WDR41: variants seen among roughly 807,000 people sequenced by gnomAD.
The protein encoded by WDR41 is WD repeat domain 41, also known as WD repeat-containing protein 41.
Under a neutral mutation model 69.3 loss-of-function variants are expected in WDR41, and 63 were observed. That is an observed-to-expected ratio of 0.91 (90% CI 0.74 to 1.12). WDR41 has a LOEUF of 1.12. Among genes scored for constraint, WDR41 ranks in the 50% most tolerant of loss-of-function variants. The pLI, the probability that WDR41 is intolerant of heterozygous loss-of-function variation, is 0.00. For synonymous variants in WDR41, 185 were observed against 192.1 expected, an observed-to-expected ratio of 0.96 and a Z score of 0.31; for missense variants, 543 against 534.5, an observed-to-expected ratio of 1.02 and a Z score of -0.16.
chr5:77,477,632 C>A (rs1264339525), intron 2 of WDR41, among the ~76,000 whole-genome samples: 2 of 84,420 alleles, frequency 2.4e-5, no homozygotes, highest in Non-Finnish European at 4.0e-5. Context: ...CCAACGAGAA[C>A]AAAGACACAA....
At position 77,601,191 on chromosome 5, in the gene WDR41, G is replaced by A. The variant is rs965539823; in HGVS notation, c.42+19288C>T. Reference sequence around the variant, plus strand: ...AACTTTGGGGAATAGTACTATAGGTGAGAATAGTACTATTGCCTAAAATAG... The same window carrying A: ...AACTTTGGGGAATAGTACTATAGGTAAGAATAGTACTATTGCCTAAAATAG... On this transcript the variant is annotated intron_variant, in intron 1 of 5. Coordinates refer to the WDR41 transcript ENST00000509971. Among the ~76,000 whole-genome samples the A allele has an allele frequency of 2.0e-5, 3 of 152,112 alleles. No homozygotes were observed. The South Asian group carries it at 6.2e-4, about 31-fold the overall frequency.
intron 1 of WDR41, among the ~76,000 whole-genome samples, chr5:77,546,891 G>A (rs1017098724): frequency 5.9e-5 from 9 of 151,960 alleles, no homozygotes; most frequent in African/African-American, 2.2e-4. Context: ...CTAGCTAACC[G>A]AATCCAACAA....
In WDR41 at chr5:77,600,362, A is replaced by G. The variant is rs535407343; in HGVS notation, c.42+20117T>C. ...GCTAAACTCACAGACCACATATTGA[A>G]TGATCTCACTTATTTGTTATTCTGG... On this transcript the variant is annotated intron_variant, in intron 1 of 5. Transcript: ENST00000509971. 5.9e-5 allele frequency among the ~76,000 whole-genome samples: 9 copies of G among 152,338 alleles called. 1 individual carries two copies. Among genetic ancestry groups the G allele is most frequent in the Admixed American group, 4.6e-4 (7 of 15,302 alleles).
intron 1 of WDR41, chr5:77,491,874 T>C (rs1008814867): frequency 3.0e-5 from 14 of 460,156 alleles, no homozygotes; most frequent in East Asian, 1.1e-4. Flanking sequence ...CAGGTCCCAA[T>C]AGGACTGCTG....
chr5:77,513,947 A>C (rs539355847), intron 1 of WDR41, among the ~76,000 whole-genome samples: 3 of 145,874 alleles, frequency 2.1e-5, no homozygotes, highest in South Asian at 4.5e-4. Flanking sequence ...TCAAACATAT[A>C]TTTTTCTTCT....
chr5:77,462,971 AC>A lies in WDR41; in HGVS notation c.348+123del, dbSNP rs2151323271. 2.8e-6 allele frequency: 3 copies of A among 1,078,904 alleles called. No individual in the cohort carries two copies. In the Admixed American group the frequency reaches 9.6e-5, roughly 35 times the overall value. The allele number at this position is 1,078,904 out of a possible 1,614,324, so 66.8% of individuals were successfully genotyped here. On this transcript the variant is annotated intron_variant, in intron 4 of 12. Coordinates refer to ENST00000296679, the MANE Select transcript of WDR41 (RefSeq NM_018268.4). ...TAAATGGTATCTTATAAGTAACAGA[AC>A]AAAAATCATTTTTGCTATAACAAGA...
upstream of WDR41, among the ~76,000 whole-genome samples, chr5:77,496,827 G>A (rs1195694077): frequency 6.6e-6 from 1 of 152,056 alleles, no homozygotes; most frequent in East Asian, 1.9e-4. Context: ...AGAAAATAAG[G>A]TTGGAGGACT....
At chr5:77,526,787 T>A (rs527822401) in intron 1 of WDR41, among the ~76,000 whole-genome samples, 1 of 152,244 alleles carries the variant, frequency 6.6e-6, no homozygotes, top group South Asian at 2.1e-4. Flanking sequence ...TATACAGTGA[T>A]TGTGATTCAT....
intron 1 of WDR41, among the ~76,000 whole-genome samples, chr5:77,606,255 C>T (rs538047056): frequency 1.6e-4 from 24 of 152,180 alleles, no homozygotes; most frequent in Admixed American, 2.6e-4. Flanking sequence ...ATTCATTTAA[C>T]GCATGGAGCC....
chr5:77,471,952 C>T (rs185342396), intron 2 of WDR41, among the ~76,000 whole-genome samples: 8 of 152,260 alleles, frequency 5.3e-5, no homozygotes, highest in South Asian at 2.1e-4. Flanking sequence ...ATACCAAAGC[C>T]GGGCAGAGAC....
intron 1 of WDR41, among the ~76,000 whole-genome samples, chr5:77,522,698 A>T (rs999854603): frequency 1.3e-5 from 2 of 152,084 alleles, no homozygotes; most frequent in African/African-American, 2.4e-5. Flanking sequence ...AAGGCCAAGA[A>T]GTACACCATC....
At position 77,558,094 on chromosome 5, in the gene WDR41, T is replaced by TAAAAAA. The variant is rs71608105; in HGVS notation, c.42+62379_42+62384dup. On this transcript the variant is annotated intron_variant, in intron 1 of 5. Transcript: ENST00000509971. ...CATAGGGAACTTCAAATGTTCTTTT[T>TAAAAAA]AAAAAAAAAAAAAAAAAAAAAACAA... is the stretch of plus-strand genomic sequence containing the variant. Among the ~76,000 whole-genome samples, 945 of 103,940 alleles carry TAAAAAA rather than the reference T, an allele frequency of 9.1e-3. 44 individuals are homozygous for TAAAAAA. Among genetic ancestry groups the TAAAAAA allele is most frequent in the East Asian group, 0.05 (160 of 3,220 alleles). The allele number at this position is 103,940 out of a possible 152,430, so 68.2% of individuals were successfully genotyped here. A position where few individuals can be genotyped will look rare whatever the true frequency, so the allele number is the denominator to read the frequency against.
At chr5:77,508,246 A>T (rs1034534258) in intron 1 of WDR41, among the ~76,000 whole-genome samples, 3 of 151,608 alleles carry the variant, frequency 2.0e-5, no homozygotes, top group African/African-American at 4.8e-5. Context: ...TCAGCCTCCC[A>T]GGTAGCTGAG....
At chr5:77,480,841 G>T (rs1801201403) in intron 2 of WDR41, among the ~76,000 whole-genome samples, 1 of 137,258 alleles carries the variant, frequency 7.3e-6, no homozygotes, top group Non-Finnish European at 1.6e-5. Flanking sequence ...AAAAAAAAAA[G>T]ATTACAGTAT....
intron 1 of WDR41, among the ~76,000 whole-genome samples, chr5:77,516,731 T>C (rs1802296172): frequency 6.6e-6 from 1 of 152,088 alleles, no homozygotes; most frequent in Non-Finnish European, 1.5e-5. Flanking sequence ...CTTAAGAATG[T>C]TTTCCAGCTG....
intron 1 of WDR41, among the ~76,000 whole-genome samples, chr5:77,515,369 G>A (rs1802277711): frequency 6.6e-6 from 1 of 152,036 alleles, no homozygotes; most frequent in African/African-American, 2.4e-5. Context: ...TCCATATCTT[G>A]TCCCATCAGG....
chr5:77,447,357 C>T (rs1176239455), intron 8 of WDR41, among the ~76,000 whole-genome samples: 6 of 152,224 alleles, frequency 3.9e-5, no homozygotes, highest in Admixed American at 2.0e-4. Flanking sequence ...GACAGTATGG[C>T]GATTCCTCAA....
intron 1 of WDR41, among the ~76,000 whole-genome samples, chr5:77,591,171 T>C (rs1229737527): frequency 6.6e-6 from 1 of 152,134 alleles, no homozygotes; most frequent in Admixed American, 6.6e-5. Context: ...AATGTTTAGG[T>C]ATACATTTGT....
Position 77,432,821 on chromosome 5 carries a change from C to T in WDR41, c.*314G>A, listed in dbSNP as rs1266697049. ...ATAAAACTTCTAATAAATGCCATAA[C>T]TTAACTATTACCTCTATTTGTACCT... is the stretch of plus-strand genomic sequence containing the variant. On this transcript the variant is annotated 3_prime_UTR_variant, in exon 13 of 13. Coordinates refer to ENST00000296679, the MANE Select transcript of WDR41 (RefSeq NM_018268.4). The T allele has an allele frequency of 5.0e-6, 1 of 199,214 alleles. No homozygotes were observed. The highest frequency in any genetic ancestry group is 1.0e-5 in the Non-Finnish European group (1 of 99,852). 12.3% of individuals were successfully genotyped at this position (199,214 alleles called of 1,614,324 possible). A position where few individuals can be genotyped will look rare whatever the true frequency, so the allele number is the denominator to read the frequency against.
Sources: gnomAD v4.1 joint callset for allele counts (sites outside exome capture counted in the v4.1 genomes callset) on GRCh38, gnomAD v4.1.1 for gene constraint, MANE v1.5 for transcripts, NCBI Gene and HGNC (gene_info 2026-07-23, HGNC 2026-07-21) for gene names.